HDX: variants seen among roughly 807,000 people sequenced by gnomAD.
HDX encodes chromosome X open reading frame 43.
HDX carries 19 observed loss-of-function variants against 45.2 expected under a neutral mutation model. The observed-to-expected ratio is 0.42, with a 90% CI of 0.29 to 0.62. HDX has a LOEUF of 0.62. HDX is among the 20% of genes least tolerant of loss of function. The pLI is 0.20. For synonymous variants in HDX, 188 were observed against 172.8 expected (o/e 1.09, Z -0.69); for missense variants, 532 against 493.9 (o/e 1.08, Z -0.73).
chrX:84,356,716 A>G (rs938818033), intron 6 of HDX, among the ~76,000 whole-genome samples: 12 of 95,375 alleles, frequency 1.3e-4, no homozygotes, highest in East Asian at 3.4e-4. Flanking sequence ...TCCGCCTCCC[A>G]GGTTCACGCC....
intron 4 of HDX, among the ~76,000 whole-genome samples, chrX:84,445,297 C>G (rs1242976027): frequency 9.0e-6 from 1 of 111,484 alleles, no homozygotes; most frequent in Non-Finnish European, 1.9e-5. Flanking sequence ...ATAACCAGAC[C>G]TCTCAAAAGA....
At chrX:84,414,993 C>T (rs2039070794) in intron 5 of HDX, among the ~76,000 whole-genome samples, 1 of 112,233 alleles carries the variant, frequency 8.9e-6, no homozygotes, top group South Asian at 3.7e-4. Flanking sequence ...AGAACAACCA[C>T]CATCTTGTGG....
At position 84,324,844 on chromosome X, in the gene HDX, C is replaced by T. The variant is rs934475207; in HGVS notation, c.1947+1334G>A. On this transcript the variant is annotated intron_variant, in intron 10 of 10. Coordinates refer to ENST00000373177, the MANE Select transcript of HDX (RefSeq NM_001177479.2). ...ACTTTAAGTTATTCCTCTGCTTGTA[C>T]CTAATTTTGTTTATTCACAGTTATT... Among the ~76,000 whole-genome samples the T allele has an allele frequency of 6.3e-5, 7 of 110,596 alleles. No homozygotes were observed. The Admixed American group carries it at 6.8e-4, about 11-fold the overall frequency.
chrX:84,373,871 C>G (rs1339574195), intron 5 of HDX, among the ~76,000 whole-genome samples: 5 of 110,587 alleles, frequency 4.5e-5, no homozygotes, highest in Non-Finnish European at 5.7e-5. Context: ...CCCTCTCTCA[C>G]CACTCCTATT....
chrX:84,400,159 GCT>G (rs2038665173), intron 5 of HDX, among the ~76,000 whole-genome samples: 1 of 109,988 alleles, frequency 9.1e-6, no homozygotes, highest in Admixed American at 9.8e-5. Flanking sequence ...GGACAAGGAT[GCT>G]CTCTCTCACC....
Position 84,466,603 on chromosome X carries a change from A to T in HDX, c.1251+1869T>A, listed in dbSNP as rs547417140. Among the ~76,000 whole-genome samples, 18 of 112,389 alleles carry T rather than the reference A, an allele frequency of 1.6e-4. 1 individual carries two copies. The South Asian group carries it at 6.2e-3, about 39-fold the overall frequency. On this transcript the variant is annotated intron_variant, in intron 4 of 10. Transcript: ENST00000373177. ...TATTTTAAAAAATTGTTTCTTTAAAAGTTCTGTCAGAAAAAAATAGAGACT... is the reference window on the plus strand; with the variant it reads ...TATTTTAAAAAATTGTTTCTTTAAATGTTCTGTCAGAAAAAAATAGAGACT...
At chrX:84,450,325 T>C (rs2039970505) in intron 4 of HDX, among the ~76,000 whole-genome samples, 1 of 110,952 alleles carries the variant, frequency 9.0e-6, no homozygotes, top group Non-Finnish European at 1.9e-5. Flanking sequence ...TAAAGGCACA[T>C]ATAGACTGAC....
intron 10 of HDX, among the ~76,000 whole-genome samples, chrX:84,323,858 A>G (rs776783368): frequency 8.9e-6 from 1 of 112,556 alleles, no homozygotes; most frequent in East Asian, 2.8e-4. Context: ...ACCTACGGTC[A>G]TTTTTCCCAA....
chrX:84,318,485 A>G lies in HDX; in HGVS notation c.*3404T>C, dbSNP rs781230085. 9.0e-6 allele frequency: 1 copy of G among 111,303 alleles called. No homozygotes were observed. The highest frequency in any genetic ancestry group is 3.7e-4 in the South Asian group (1 of 2,706). 9.2% of individuals were successfully genotyped at this position (111,303 alleles called of 1,213,427 possible). On this transcript the variant is annotated 3_prime_UTR_variant, in exon 11 of 11. Transcript: ENST00000373177. ...AAGGGCAGGAGTTAAAGTTTTCAGA[A>G]TGTCTTTTAAAAAGGATCACAAAAT...
At chrX:84,372,434 CCACTT>C (rs2037919680) in intron 5 of HDX, among the ~76,000 whole-genome samples, 1 of 111,443 alleles carries the variant, frequency 9.0e-6, no homozygotes, top group African/African-American at 3.3e-5. Flanking sequence ...TGTCAGCTGG[CCACTT>C]CACATTATTG....
At chrX:84,401,934 A>G (rs566044170) in intron 5 of HDX, among the ~76,000 whole-genome samples, 1 of 112,022 alleles carries the variant, frequency 8.9e-6, no homozygotes, top group South Asian at 3.7e-4. Context: ...CTGAGCAACT[A>G]ACACAGGAAC....
chrX:84,453,129 T>G (rs2040037729), intron 4 of HDX, among the ~76,000 whole-genome samples: 1 of 111,957 alleles, frequency 8.9e-6, no homozygotes, highest in Non-Finnish European at 1.9e-5. Context: ...AAAGACAATT[T>G]CATCAAAAAT....
At chrX:84,332,391 T>C (rs1452529727) in intron 9 of HDX, among the ~76,000 whole-genome samples, 1 of 111,510 alleles carries the variant, frequency 9.0e-6, no homozygotes, top group Non-Finnish European at 1.9e-5. Flanking sequence ...ACTGGATTAA[T>C]ACAATGCTCT....
At chrX:84,457,270 T>C (rs1200706587) in intron 4 of HDX, among the ~76,000 whole-genome samples, 2 of 111,860 alleles carry the variant, frequency 1.8e-5, no homozygotes, top group African/African-American at 3.2e-5. Flanking sequence ...GTACATGGTT[T>C]ACGATTTTTT....
chrX:84,500,390 G>C (rs1336404284), intron 1 of HDX: 1 of 110,096 alleles, frequency 9.1e-6, no homozygotes, highest in Non-Finnish European at 1.9e-5. Context: ...AGAAATGGAT[G>C]TCATGGTCCC....
chrX:84,468,976 A>T lies in HDX; in HGVS notation c.747T>A (p.Thr249=), dbSNP rs1376322616. ...GTGTTCTACAGTAAGGGTCTCTAATAGTTGGCTTTTGCCCACATAAGTTAT... is the reference window on the plus strand; with the variant it reads ...GTGTTCTACAGTAAGGGTCTCTAATTGTTGGCTTTTGCCCACATAAGTTAT... ...ALHNLCGQKP[T]IRDPYCRTQN... The change falls in exon 4 of 11, where the codon ACT becomes ACA. Residue 249 remains threonine, a synonymous_variant. Transcript: ENST00000373177. The T allele has an allele frequency of 8.3e-7, 1 of 1,211,719 alleles. No homozygotes were observed. The highest frequency in any genetic ancestry group is 1.1e-6 in the Non-Finnish European group (1 of 895,509).
chrX:84,386,020 G>T (rs1257285008), intron 5 of HDX, among the ~76,000 whole-genome samples: 14 of 108,452 alleles, frequency 1.3e-4, no homozygotes, highest in Non-Finnish European at 2.1e-4. Flanking sequence ...TTATTTTGAG[G>T]GATATTCCTT....
intron 4 of HDX, among the ~76,000 whole-genome samples, chrX:84,448,392 C>T (rs777440779): frequency 2.7e-5 from 3 of 110,457 alleles, no homozygotes; most frequent in South Asian, 7.7e-4. Flanking sequence ...CCAGAGTATA[C>T]TGCCCTGGGG....
At chrX:84,408,314 C>T (rs1379484801) in intron 5 of HDX, among the ~76,000 whole-genome samples, 1 of 110,544 alleles carries the variant, frequency 9.0e-6, no homozygotes, top group Non-Finnish European at 1.9e-5. Context: ...CTCTCCATTG[C>T]TTGTTTTTGT....
Sources: allele counts gnomAD v4.1 joint callset (sites outside exome capture counted in the v4.1 genomes callset), GRCh38; gene constraint gnomAD v4.1.1; transcripts MANE v1.5; gene names NCBI Gene and HGNC (gene_info 2026-07-23, HGNC 2026-07-21).